ETFA: variants seen among roughly 807,000 people sequenced by gnomAD.
ETFA encodes electron transfer flavoprotein subunit alpha, mitochondrial.
ETFA carries 22 observed loss-of-function variants against 46.2 expected under a neutral mutation model. That is an observed-to-expected ratio of 0.48 (90% CI 0.34 to 0.68). The LOEUF (loss-of-function observed/expected upper bound fraction) is 0.68. Ranked by LOEUF, ETFA falls within the 30% of genes least tolerant of loss-of-function variation. The pLI, the probability that ETFA is intolerant of heterozygous loss-of-function variation, is 0.01. For synonymous variants in ETFA, 131 were observed against 139.9 expected (o/e 0.94, Z 0.45); for missense variants, 345 against 401.1 (o/e 0.86, Z 1.19).
At position 76,256,401 on chromosome 15, in the gene ETFA, G is replaced by A. The variant is rs890134239; in HGVS notation, c.816+18011C>T. Reference sequence around the variant, plus strand: ...ATACCAAAGTACAATGGGTTGTCTCGAGGGAAAGCACTTGTTTAATAGTTT... The same window carrying A: ...ATACCAAAGTACAATGGGTTGTCTCAAGGGAAAGCACTTGTTTAATAGTTT... On this transcript the variant is annotated intron_variant, in intron 9 of 11. Coordinates refer to ENST00000557943, the MANE Select transcript of ETFA (RefSeq NM_000126.4). 2.0e-5 allele frequency among the ~76,000 whole-genome samples: 3 copies of A among 152,084 alleles called. No homozygotes were observed. The South Asian group carries it at 6.2e-4, about 32-fold the overall frequency.
chr15:76,296,199 C>T (rs1175913896), intron 1 of ETFA, among the ~76,000 whole-genome samples: 1 of 151,994 alleles, frequency 6.6e-6, no homozygotes, highest in African/African-American at 2.4e-5. Flanking sequence ...CTGCCTGCCT[C>T]GGCCTCCAAA....
intron 10 of ETFA, chr15:76,228,149 C>T (rs1185024852): frequency 5.5e-6 from 2 of 364,812 alleles, no homozygotes; most frequent in Non-Finnish European, 1.1e-5. Flanking sequence ...GGAGTTTAAT[C>T]ATCCGAAAGC....
At chr15:76,286,608 T>C in intron 5 of ETFA, 127 bp from the exon 6 acceptor site, 1 of 702,114 alleles carries the variant, frequency 1.4e-6, no homozygotes, top group East Asian at 2.7e-5. Flanking sequence ...CTTCTAACTC[T>C]ATTAAGTATA....
At chr15:76,305,609 T>C (rs915941414) in intron 1 of ETFA, among the ~76,000 whole-genome samples, 4 of 152,232 alleles carry the variant, frequency 2.6e-5, no homozygotes, top group Non-Finnish European at 2.9e-5. Context: ...CTTTATAAGA[T>C]AGTATACTTC....
chr15:76,261,305 C>A, intron 9 of ETFA: 1 of 1,514,160 alleles, frequency 6.6e-7, no homozygotes, highest in Non-Finnish European at 9.1e-7. Flanking sequence ...ACACCTACTA[C>A]CGTGAGCCAC....
rs891107749 is a variant in ETFA, at chr15:76,278,835, G to T, written c.734-4341C>A. Among the ~76,000 whole-genome samples, 3 of 152,248 alleles carry T rather than the reference G, an allele frequency of 2.0e-5. No homozygotes were observed. In the East Asian group the frequency reaches 5.8e-4, roughly 29 times the overall value. ...TGCAGCTATGTCCACATTGTCTCTT[G>T]TCTACTCAAGGACATCATTCCAGTA... is the stretch of plus-strand genomic sequence containing the variant. On this transcript the variant is annotated intron_variant, in intron 8 of 11. Coordinates refer to ENST00000557943, the MANE Select transcript of ETFA (RefSeq NM_000126.4).
intron 9 of ETFA, among the ~76,000 whole-genome samples, chr15:76,233,113 G>C (rs1263814014): frequency 6.6e-6 from 1 of 152,138 alleles, no homozygotes; most frequent in Non-Finnish European, 1.5e-5. Context: ...AGGGTGGGGA[G>C]GAATGCTGCA....
chr15:76,302,393 AC>A (rs1369606395), intron 1 of ETFA, among the ~76,000 whole-genome samples: 1 of 151,522 alleles, frequency 6.6e-6, no homozygotes, highest in Non-Finnish European at 1.5e-5. Flanking sequence ...GAAAAAAAAA[AC>A]AGTCTGAAAA....
intron 2 of ETFA, 33 bp downstream of exon 2, chr15:76,295,558 T>C (rs1177367408): frequency 2.5e-6 from 4 of 1,585,660 alleles, no homozygotes; most frequent in Non-Finnish European, 3.5e-6. Context: ...ATGGAGATAA[T>C]ATTTGCTATG....
intron 11 of ETFA, 135 bp from the exon 12 acceptor site, chr15:76,216,732 A>C: frequency 3.3e-6 from 2 of 614,850 alleles, no homozygotes; most frequent in Non-Finnish European, 6.0e-6. Flanking sequence ...CCTCCTCTCC[A>C]CCAGGAACCC....
chr15:76,272,805 A>AATATATATATATATATATATATAT (rs1379336424), intron 9 of ETFA, among the ~76,000 whole-genome samples: 12 of 78,552 alleles, frequency 1.5e-4, no homozygotes, highest in Non-Finnish European at 3.6e-4. Context: ...TGTCTCTTAA[A>AATATATATATATATATATATATAT]ATATATACAT....
At chr15:76,299,571 C>T (rs1049729325) in intron 1 of ETFA, among the ~76,000 whole-genome samples, 2 of 152,198 alleles carry the variant, frequency 1.3e-5, no homozygotes, top group African/African-American at 4.8e-5. Flanking sequence ...GCATGAGCCA[C>T]TGTGCCTGCC....
At chr15:76,231,717 T>A (rs1042196022) in intron 9 of ETFA, among the ~76,000 whole-genome samples, 1 of 152,192 alleles carries the variant, frequency 6.6e-6, no homozygotes, top group East Asian at 1.9e-4. Context: ...TGAGGTAGCA[T>A]TTTTCATCTG....
At chr15:76,271,881 A>G (rs2039535790) in intron 9 of ETFA, among the ~76,000 whole-genome samples, 1 of 148,552 alleles carries the variant, frequency 6.7e-6, no homozygotes, top group Non-Finnish European at 1.5e-5. Flanking sequence ...GTATATATGT[A>G]TATGCACATA....
chr15:76,216,755 T>C (rs996593750), intron 11 of ETFA, among the ~76,000 whole-genome samples, 158 bp from the exon 12 acceptor site: 4 of 151,648 alleles, frequency 2.6e-5, no homozygotes, highest in African/African-American at 9.7e-5. Flanking sequence ...TGTTCTCCGG[T>C]AGTCTCTCTT....
chr15:76,290,277 A>C (rs1239911095), intron 4 of ETFA, among the ~76,000 whole-genome samples: 3 of 151,276 alleles, frequency 2.0e-5, no homozygotes, highest in Non-Finnish European at 4.4e-5. Context: ...TTAGCTAAAC[A>C]TGGAATCTTA....
At chr15:76,274,287 C>A in intron 9 of ETFA, 125 bp downstream of exon 9, 2 of 771,584 alleles carry the variant, frequency 2.6e-6, no homozygotes, top group Non-Finnish European at 4.5e-6. Context: ...GACATATTCA[C>A]CATGGTACTG....
intron 1 of ETFA, among the ~76,000 whole-genome samples, chr15:76,296,080 G>C (rs908322882): frequency 2.0e-5 from 3 of 150,892 alleles, no homozygotes; most frequent in Non-Finnish European, 4.4e-5. Flanking sequence ...TGAGTAGCTG[G>C]AACTACAGGC....
chr15:76,286,345 C>CA, intron 6 of ETFA, 26 bp downstream of exon 6: 3 of 1,424,540 alleles, frequency 2.1e-6, no homozygotes, highest in Non-Finnish European at 3.0e-6. Flanking sequence ...AGAAACAAAA[C>CA]AAAAAAACTC....
Sources: allele counts gnomAD v4.1 joint callset (sites outside exome capture counted in the v4.1 genomes callset), GRCh38; gene constraint gnomAD v4.1.1; transcripts MANE v1.5; gene names NCBI Gene and HGNC (gene_info 2026-07-23, HGNC 2026-07-21).